MAPKAP1: variants seen among roughly 807,000 people sequenced by gnomAD.
The protein encoded by MAPKAP1 is MAPK associated protein 1, also known as target of rapamycin complex 2 subunit MAPKAP1.
MAPKAP1 carries 20 observed loss-of-function variants against 65.7 expected under a neutral mutation model. The observed-to-expected ratio is 0.30, with a 90% CI of 0.21 to 0.44. The LOEUF is 0.44. Among genes scored for constraint, MAPKAP1 ranks in the 20% least tolerant of loss-of-function variants. The pLI is 1.00. For missense variants in MAPKAP1, 423 were observed against 648.0 expected (o/e 0.65, Z 3.77); for synonymous variants, 222 against 244.3 (o/e 0.91, Z 0.85).
intron 4 of MAPKAP1, among the ~76,000 whole-genome samples, chr9:125,632,122 T>C (rs1833300766): frequency 6.6e-6 from 1 of 151,406 alleles, no homozygotes; most frequent in Non-Finnish European, 1.5e-5. Context: ...CCTGGGAGGC[T>C]GAGGCAGAAG....
intron 4 of MAPKAP1, among the ~76,000 whole-genome samples, chr9:125,630,043 G>C (rs1833232733): frequency 6.6e-6 from 1 of 152,102 alleles, no homozygotes; most frequent in African/African-American, 2.4e-5. Context: ...ACTGAGCCTA[G>C]GGTCAACTAA....
chr9:125,513,047 C>G (rs542727016), intron 7 of MAPKAP1: 1 of 152,334 alleles, frequency 6.6e-6, no homozygotes, highest in African/African-American at 2.4e-5. Context: ...TGGTGGTTAC[C>G]CACTCCCGGG....
At chr9:125,460,491 C>T (rs1299195120) in intron 10 of MAPKAP1, among the ~76,000 whole-genome samples, 4 of 152,224 alleles carry the variant, frequency 2.6e-5, no homozygotes. Context: ...GACATTCTTA[C>T]ACGTTCTGTA....
chr9:125,615,828 A>G (rs1457522586), intron 4 of MAPKAP1, among the ~76,000 whole-genome samples: 4 of 151,808 alleles, frequency 2.6e-5, no homozygotes, highest in African/African-American at 7.3e-5. Context: ...CACGAGAATC[A>G]CTTGATGTTG....
intron 1 of MAPKAP1, among the ~76,000 whole-genome samples, chr9:125,700,637 T>C (rs1835567319): frequency 6.6e-6 from 1 of 152,252 alleles, no homozygotes; most frequent in Admixed American, 6.5e-5. Context: ...GTTGCCTATA[T>C]TAAATCCATT....
chr9:125,643,437 C>T (rs946947911), intron 4 of MAPKAP1, among the ~76,000 whole-genome samples: 3 of 152,062 alleles, frequency 2.0e-5, no homozygotes, highest in Non-Finnish European at 2.9e-5. Context: ...TCAGGTGATC[C>T]GCCTGCCTCA....
chr9:125,669,376 A>G (rs1010725298), intron 3 of MAPKAP1, among the ~76,000 whole-genome samples: 1 of 152,036 alleles, frequency 6.6e-6, no homozygotes, highest in Admixed American at 6.6e-5. Flanking sequence ...GCTACTGAGG[A>G]CGTTGAGGCA....
At chr9:125,688,834 A>G (rs1397827028) in intron 1 of MAPKAP1, among the ~76,000 whole-genome samples, 2 of 152,206 alleles carry the variant, frequency 1.3e-5, no homozygotes, top group African/African-American at 2.4e-5. Context: ...TTCGGCACAA[A>G]CTTGCCCAAG....
chr9:125,491,792 AC>A (rs1854743016), intron 8 of MAPKAP1, among the ~76,000 whole-genome samples: 3 of 150,238 alleles, frequency 2.0e-5, no homozygotes, highest in South Asian at 2.1e-4. Context: ...AACCAAAAAA[AC>A]AAAAAAAAAC....
intron 10 of MAPKAP1, among the ~76,000 whole-genome samples, chr9:125,460,471 T>C (rs1018535218): frequency 4.6e-5 from 7 of 152,168 alleles, no homozygotes; most frequent in Non-Finnish European, 8.8e-5. Flanking sequence ...ACCAGCCAAT[T>C]TTCCTCGTAG....
intron 10 of MAPKAP1, among the ~76,000 whole-genome samples, chr9:125,459,859 G>GAGGGAGAGGGAA (rs879555861): frequency 0.019 from 2,911 of 149,564 alleles, 52 homozygotes; most frequent in South Asian, 0.038. Context: ...ACCGTGGGGA[G>GAGGGAGAGGGAA]AGGGAGAGGG....
intron 6 of MAPKAP1, among the ~76,000 whole-genome samples, chr9:125,551,476 C>A (rs1201191298): frequency 6.6e-6 from 1 of 152,178 alleles, no homozygotes; most frequent in Non-Finnish European, 1.5e-5. Context: ...GGGCTAAGAC[C>A]TTCCACTGTT....
intron 5 of MAPKAP1, among the ~76,000 whole-genome samples, chr9:125,576,946 C>G (rs1363712426): frequency 6.6e-5 from 10 of 152,156 alleles, no homozygotes; most frequent in Non-Finnish European, 1.5e-4. Context: ...GCCACCCCGT[C>G]TGGGAAGTGA....
At chr9:125,596,433 TGGTGGAA>T in intron 4 of MAPKAP1, 1 of 780,714 alleles carries the variant, frequency 1.3e-6, no homozygotes. Flanking sequence ...TTTTGGAGGG[TGGTGGAA>T]GCTACAATGA....
intron 10 of MAPKAP1, among the ~76,000 whole-genome samples, chr9:125,458,606 A>G (rs1182049437): frequency 1.3e-5 from 2 of 151,468 alleles, no homozygotes; most frequent in Admixed American, 6.6e-5. Context: ...AAAGTCTCCC[A>G]TGTCTACTTC....
intron 8 of MAPKAP1, among the ~76,000 whole-genome samples, chr9:125,489,487 A>G (rs899711236): frequency 1.3e-5 from 2 of 152,190 alleles, no homozygotes; most frequent in African/African-American, 2.4e-5. Flanking sequence ...TGATAGATCA[A>G]ATTTTGGGGT....
chr9:125,635,529 C>T (rs1368092382), intron 4 of MAPKAP1, among the ~76,000 whole-genome samples: 1 of 152,198 alleles, frequency 6.6e-6, no homozygotes, highest in Non-Finnish European at 1.5e-5. Context: ...CCTTTTGCCA[C>T]AAGACCGTTC....
chr9:125,507,038 G>T (rs535134845), intron 7 of MAPKAP1, among the ~76,000 whole-genome samples: 1 of 152,270 alleles, frequency 6.6e-6, no homozygotes, highest in Admixed American at 6.5e-5. Flanking sequence ...TCTGAGTTAC[G>T]ATGATGAAAA....
In MAPKAP1 at chr9:125,698,326, TATATATATATAA is replaced by T. The variant is rs1835489022; in HGVS notation, c.-70+8633_-70+8644del. Among the ~76,000 whole-genome samples the T allele has an allele frequency of 1.5e-4, 15 of 97,656 alleles. No individual in the cohort carries two copies. The South Asian group carries it at 3.9e-3, about 25-fold the overall frequency. The allele number at this position is 97,656 out of a possible 152,430, so 64.1% of individuals were successfully genotyped here. A position where few individuals can be genotyped will look rare whatever the true frequency, so the allele number is the denominator to read the frequency against. ...ATATATATATATATATATATATATA[TATATATATATAA>T]AATATATATATTTTTTGAGATGGAG... On this transcript the variant is annotated intron_variant, in intron 1 of 11. Coordinates refer to ENST00000265960, the MANE Select transcript of MAPKAP1 (RefSeq NM_001006617.3).
Sources: gnomAD v4.1 joint callset for allele counts (sites outside exome capture counted in the v4.1 genomes callset) on GRCh38, gnomAD v4.1.1 for gene constraint, MANE v1.5 for transcripts, NCBI Gene and HGNC (gene_info 2026-07-23, HGNC 2026-07-21) for gene names.